The following POLR3G variants were observed in gnomAD, a reference collection of about 807,000 sequenced individuals.
The protein encoded by POLR3G is RNA polymerase III subunit G.
In POLR3G, 28 loss-of-function variants were observed where a neutral mutation model predicts 30.1. That is an observed-to-expected ratio of 0.93 (90% CI 0.69 to 1.27). The LOEUF is 1.27. Ranked by LOEUF, POLR3G falls within the 50% of genes most tolerant of loss-of-function variation. The pLI, the probability that POLR3G is intolerant of heterozygous loss-of-function variation, is 0.00. For synonymous variants in POLR3G, 79 were observed against 82.5 expected, an observed-to-expected ratio of 0.96 and a Z score of 0.23; for missense variants, 254 against 264.6, an observed-to-expected ratio of 0.96 and a Z score of 0.28.
rs150659288 is a variant in POLR3G at position 90,510,531 on chromosome 5, T to C, written c.586-1522T>C. 3.2e-3 allele frequency among the ~76,000 whole-genome samples: 492 copies of C among 152,320 alleles called. 2 individuals carry two copies. Among genetic ancestry groups the C allele is most frequent in the African/African-American group, 0.011 (471 of 41,576 alleles). On this transcript the variant is annotated intron_variant, in intron 7 of 7. Coordinates refer to ENST00000651687, the MANE Select transcript of POLR3G (RefSeq NM_006467.3). Reference sequence around the variant, plus strand: ...CCCTTCCTTATTCATCTCCACTTTATGTACAAATCGGCTTACTTTTATTTC... The same window carrying C: ...CCCTTCCTTATTCATCTCCACTTTACGTACAAATCGGCTTACTTTTATTTC...
chr5:90,485,500 T>G (rs978990748), intron 1 of POLR3G, 25 bp from the exon 2 acceptor site: 6 of 1,071,832 alleles, frequency 5.6e-6, no homozygotes, highest in Non-Finnish European at 7.0e-6. Flanking sequence ...TTATATGTGA[T>G]CCAGTAAATC....
chr5:90,492,817 C>T (rs1188886218), intron 3 of POLR3G, among the ~76,000 whole-genome samples: 1 of 124,726 alleles, frequency 8.0e-6, no homozygotes, highest in African/African-American at 3.0e-5. Context: ...GGGAGTGAGC[C>T]GAGATTGTGC....
intron 3 of POLR3G, 111 bp downstream of exon 3, chr5:90,488,240 T>A: frequency 2.1e-6 from 2 of 933,714 alleles, no homozygotes; most frequent in South Asian, 4.4e-5. Flanking sequence ...AATAAAAAAT[T>A]ATCAACTACT....
chr5:90,486,583 G>A (rs1751450959), intron 2 of POLR3G, among the ~76,000 whole-genome samples: 1 of 152,096 alleles, frequency 6.6e-6, no homozygotes, highest in Non-Finnish European at 1.5e-5. Context: ...GGCCCTGCTG[G>A]TTCTCTGCTG....
rs183413183 is a variant in POLR3G at position 90,497,100 on chromosome 5, C to G, written c.305-556C>G. On this transcript the variant is annotated intron_variant, in intron 4 of 7. Transcript: ENST00000651687. ...ATGCTTAAAAATTAAAAGAAAGTGACACATTAGAGGAATTATTTAGCTAAT... is the reference window on the plus strand; with the variant it reads ...ATGCTTAAAAATTAAAAGAAAGTGAGACATTAGAGGAATTATTTAGCTAAT... 2.5e-4 allele frequency among the ~76,000 whole-genome samples: 38 copies of G among 152,084 alleles called. 1 individual carries two copies. In the East Asian group the frequency reaches 7.1e-3, roughly 29 times the overall value.
At chr5:90,484,460 G>C (rs1166608756) in intron 1 of POLR3G, among the ~76,000 whole-genome samples, 2 of 152,172 alleles carry the variant, frequency 1.3e-5, no homozygotes, top group African/African-American at 4.8e-5. Flanking sequence ...TATTCAAATT[G>C]TAGACAGTAA....
chr5:90,510,865 AT>A (rs1211622945), intron 7 of POLR3G, among the ~76,000 whole-genome samples: 8 of 132,044 alleles, frequency 6.1e-5, no homozygotes, highest in Admixed American at 1.5e-4. Context: ...CACTATCCAG[AT>A]TTAAAAAAAA....
intron 1 of POLR3G, among the ~76,000 whole-genome samples, chr5:90,480,737 G>A (rs1751082851): frequency 6.6e-6 from 1 of 152,144 alleles, no homozygotes; most frequent in Admixed American, 6.5e-5. Context: ...AACTTTACCT[G>A]GAATTGTTTT....
At chr5:90,511,748 A>G (rs1020179303) in intron 7 of POLR3G, among the ~76,000 whole-genome samples, 4 of 151,404 alleles carry the variant, frequency 2.6e-5, no homozygotes, top group African/African-American at 9.7e-5. Context: ...TTGTCTGTGC[A>G]TTTTTTGGGT....
chr5:90,506,041 C>G (rs1752467465), intron 6 of POLR3G, among the ~76,000 whole-genome samples: 2 of 152,050 alleles, frequency 1.3e-5, no homozygotes, highest in African/African-American at 4.8e-5. Context: ...TTGAGACCAG[C>G]ATAGCCAACA....
chr5:90,475,266 G>A (rs1750738172), intron 1 of POLR3G, among the ~76,000 whole-genome samples: 1 of 152,022 alleles, frequency 6.6e-6, no homozygotes, highest in South Asian at 2.1e-4. Flanking sequence ...AGTTAGAAGG[G>A]TATTTATGCT....
chr5:90,495,772 G>T, intron 4 of POLR3G, 39 bp downstream of exon 4: 1 of 1,547,782 alleles, frequency 6.5e-7, no homozygotes, highest in Non-Finnish European at 8.7e-7. Flanking sequence ...AGTTTTTAAA[G>T]GCTGTCTCTC....
intron 5 of POLR3G, among the ~76,000 whole-genome samples, chr5:90,501,028 T>TA (rs200658112): frequency 7.5e-4 from 113 of 151,312 alleles, no homozygotes; most frequent in African/African-American, 1.7e-3. Flanking sequence ...TTGATAGGAG[T>TA]AAAAAAAATA....
chr5:90,509,521 G>A (rs185003284), intron 7 of POLR3G, among the ~76,000 whole-genome samples: 2 of 152,150 alleles, frequency 1.3e-5, no homozygotes, highest in African/African-American at 2.4e-5. Flanking sequence ...CAGTAGTACC[G>A]GATGCTATAG....
rs1178717089 is a variant in POLR3G at position 90,513,937 on chromosome 5, TG to T, written c.*1799del. 3 of 152,352 alleles carry T rather than the reference TG, an allele frequency of 2.0e-5. No homozygotes were observed. The highest frequency in any genetic ancestry group is 7.2e-5 in the African/African-American group (3 of 41,586). The allele number at this position is 152,352 out of a possible 1,614,324, so 9.4% of individuals were successfully genotyped here. ...TAGTTTTCAGAAATCTTATCAATAT[TG>T]TTCTATTTACCTACTTATAAATCTG... is the stretch of plus-strand genomic sequence containing the variant. On this transcript the variant is annotated 3_prime_UTR_variant, in exon 8 of 8. Transcript: ENST00000651687.
At chr5:90,474,816 G>A, upstream of POLR3G, 1 of 179,978 alleles carries the variant, frequency 5.6e-6, no homozygotes, top group South Asian at 1.1e-4. Context: ...TCTTTGCCGA[G>A]GGGGTGGGGC....
intron 3 of POLR3G, among the ~76,000 whole-genome samples, chr5:90,492,719 A>G (rs1276715228): frequency 1.3e-5 from 2 of 152,012 alleles, no homozygotes; most frequent in Non-Finnish European, 2.9e-5. Flanking sequence ...CGTCTCTACT[A>G]AAAATACAAA....
chr5:90,505,545 C>G (rs1180538535), intron 6 of POLR3G, among the ~76,000 whole-genome samples: 2 of 152,180 alleles, frequency 1.3e-5, no homozygotes, highest in African/African-American at 2.4e-5. Flanking sequence ...AAGTGGGACT[C>G]TCATGGAATC....
upstream of POLR3G, chr5:90,474,442 T>C (rs1015748466): frequency 4.3e-6 from 3 of 701,154 alleles, no homozygotes; most frequent in African/African-American, 1.8e-5. Context: ...GATGCGGGGG[T>C]CGGAATAGGA....
Sources: allele counts gnomAD v4.1 joint callset (sites outside exome capture counted in the v4.1 genomes callset), GRCh38; gene constraint gnomAD v4.1.1; transcripts MANE v1.5; gene names NCBI Gene and HGNC (gene_info 2026-07-23, HGNC 2026-07-21).